SYNE1: variants seen among roughly 807,000 people sequenced by gnomAD.
SYNE1 encodes nesprin-1.
Under a neutral mutation model 1,111.0 loss-of-function variants are expected in SYNE1, and 616 were observed. The observed-to-expected ratio is 0.55, with a 90% CI of 0.52 to 0.59. The LOEUF is 0.59. Among genes scored for constraint, SYNE1 ranks in the 20% least tolerant of loss-of-function variants. The probability of loss-of-function intolerance (pLI) is 0.00; values close to 1 mark genes in which losing one functional copy is unlikely to be tolerated. For synonymous variants in SYNE1, 3,855 were observed against 3,825.8 expected, an observed-to-expected ratio of 1.01 and a Z score of -0.28; for missense variants, 10,006 against 10,417.0, an observed-to-expected ratio of 0.96 and a Z score of 1.72.
At chr6:152,256,415 G>A (rs1318252079) in intron 102 of SYNE1, among the ~76,000 whole-genome samples, 1 of 150,586 alleles carries the variant, frequency 6.6e-6, no homozygotes, top group Non-Finnish European at 1.5e-5. Flanking sequence ...GGGTGACAGA[G>A]TGAGACTCGG....
At position 152,266,330 on chromosome 6, in the gene SYNE1, G is replaced by A. The variant is rs1307503189; in HGVS notation, c.18815+1726C>T. Among the ~76,000 whole-genome samples, 3 of 152,164 alleles carry A rather than the reference G, an allele frequency of 2.0e-5. No homozygotes were observed. In the East Asian group the frequency reaches 5.8e-4, roughly 29 times the overall value. ...CTCCTTTAGTGATGATACATACAGAGAGGAAGCAATGCTGGATGGGTTCTT... is the reference window on the plus strand; with the variant it reads ...CTCCTTTAGTGATGATACATACAGAAAGGAAGCAATGCTGGATGGGTTCTT... On this transcript the variant is annotated intron_variant, in intron 100 of 145. Transcript: ENST00000367255.
intron 66 of SYNE1, among the ~76,000 whole-genome samples, chr6:152,357,344 T>A (rs1419608184): frequency 6.6e-6 from 1 of 152,188 alleles, no homozygotes; most frequent in African/African-American, 2.4e-5. Context: ...CCAGAAATTT[T>A]ATATGTGACT....
intron 142 of SYNE1, chr6:152,133,690 A>G (rs2056386783): frequency 1.6e-6 from 1 of 606,458 alleles, no homozygotes; most frequent in African/African-American, 1.8e-5. Context: ...AAGACCCCTG[A>G]CCGTCTCTGA....
intron 6 of SYNE1, among the ~76,000 whole-genome samples, chr6:152,516,683 A>G (rs551833216): frequency 1.3e-5 from 2 of 152,150 alleles, no homozygotes; most frequent in South Asian, 2.1e-4. Flanking sequence ...GGCTCAAGAG[A>G]TCCTCCCACC....
intron 51 of SYNE1, 49 bp from the exon 52 acceptor site, chr6:152,391,617 C>G (rs214944): frequency 3.3e-6 from 5 of 1,505,792 alleles, no homozygotes; most frequent in Non-Finnish European, 3.5e-6. Context: ...ATTCTGACAT[C>G]CTGGAGTGCA....
chr6:152,363,751 A>C (rs1321046835), intron 63 of SYNE1: 1 of 455,262 alleles, frequency 2.2e-6, no homozygotes, highest in Admixed American at 2.3e-5. Context: ...TTTGAGGGCA[A>C]TATAGGCACA....
intron 98 of SYNE1, among the ~76,000 whole-genome samples, chr6:152,275,098 G>A (rs531083104): frequency 6.6e-6 from 1 of 152,118 alleles, no homozygotes; most frequent in East Asian, 1.9e-4. Flanking sequence ...GTAGAGATGG[G>A]GTTTTGCTAT....
At chr6:152,539,864 G>A in intron 4 of SYNE1, 96 bp downstream of exon 4, 1 of 1,313,146 alleles carries the variant, frequency 7.6e-7, no homozygotes, top group Non-Finnish European at 1.1e-6. Flanking sequence ...ATTCGCAACA[G>A]TGACAACAGG....
In SYNE1 at chr6:152,597,996, G is replaced by T. The variant is rs528948660; in HGVS notation, c.67+30269C>A. Among the ~76,000 whole-genome samples the T allele has an allele frequency of 7.9e-5, 12 of 152,182 alleles. No individual in the cohort carries two copies. In the South Asian group the frequency reaches 1.9e-3, roughly 24 times the overall value. Reference sequence around the variant, plus strand: ...CTGCATTGATGAAGTGGTAACGAAGGCACCATCCCTTATTACATTTAAACG... The same window carrying T: ...CTGCATTGATGAAGTGGTAACGAAGTCACCATCCCTTATTACATTTAAACG... On this transcript the variant is annotated intron_variant, in intron 3 of 145. Coordinates refer to ENST00000367255, the MANE Select transcript of SYNE1 (RefSeq NM_182961.4).
intron 16 of SYNE1, among the ~76,000 whole-genome samples, chr6:152,470,239 G>T (rs1311548350): frequency 2.6e-5 from 4 of 152,108 alleles, no homozygotes; most frequent in Non-Finnish European, 5.9e-5. Context: ...TAATATCATT[G>T]TGTTGGAACA....
intron 58 of SYNE1, among the ~76,000 whole-genome samples, chr6:152,374,555 G>A (rs1261867855): frequency 6.6e-6 from 1 of 152,106 alleles, no homozygotes; most frequent in African/African-American, 2.4e-5. Flanking sequence ...GGGCACATCA[G>A]TTGAGCCCAG....
intron 108 of SYNE1, among the ~76,000 whole-genome samples, chr6:152,238,373 G>A (rs2153544684): frequency 6.6e-6 from 1 of 152,246 alleles, no homozygotes; most frequent in Admixed American, 6.5e-5. Flanking sequence ...CTATCTCAAA[G>A]GGTTATGATA....
chr6:152,565,687 G>A (rs1286687533), intron 3 of SYNE1, among the ~76,000 whole-genome samples: 9 of 150,726 alleles, frequency 6.0e-5, no homozygotes, highest in Admixed American at 1.3e-4. Context: ...AAAAAAAGGA[G>A]GCTCTAAGGA....
intron 126 of SYNE1, 41 bp downstream of exon 126, chr6:152,206,127 T>C (rs1478078240): frequency 1.9e-6 from 3 of 1,595,766 alleles, no homozygotes; most frequent in African/African-American, 1.3e-5. Context: ...GTACAACGAC[T>C]AAAAGGGTTT....
rs74885760 is a variant in SYNE1, at chr6:152,210,025, T to C, written c.22589+1469A>G. On this transcript the variant is annotated intron_variant, in intron 124 of 145. Coordinates refer to ENST00000367255, the MANE Select transcript of SYNE1 (RefSeq NM_182961.4). Reference sequence around the variant, plus strand: ...ACCCTCTCTTGATACAACCAAGCTGTCCCAAACTACCTGCCAGCATGAGGA... The same window carrying C: ...ACCCTCTCTTGATACAACCAAGCTGCCCCAAACTACCTGCCAGCATGAGGA... 7.7e-3 allele frequency among the ~76,000 whole-genome samples: 1,173 copies of C among 152,276 alleles called. 6 individuals are homozygous for C. The highest frequency in any genetic ancestry group is 0.013 in the East Asian group (67 of 5,182).
At chr6:152,162,983 G>T (rs1221502721) in intron 131 of SYNE1, among the ~76,000 whole-genome samples, 1 of 152,084 alleles carries the variant, frequency 6.6e-6, no homozygotes, top group Non-Finnish European at 1.5e-5. Flanking sequence ...TCTGTAAAAT[G>T]AAGTAAGTAC....
chr6:152,374,120 T>C (rs1262292658), intron 58 of SYNE1, among the ~76,000 whole-genome samples: 1 of 152,212 alleles, frequency 6.6e-6, no homozygotes, highest in Admixed American at 6.5e-5. Context: ...GAGTGTTTCA[T>C]AGGGTTGTCC....
At chr6:152,292,695 C>T (rs552470264) in intron 95 of SYNE1, among the ~76,000 whole-genome samples, 2 of 152,262 alleles carry the variant, frequency 1.3e-5, no homozygotes, top group Non-Finnish European at 2.9e-5. Context: ...TGTTAAGTTA[C>T]CCTGTGTTGA....
intron 95 of SYNE1, among the ~76,000 whole-genome samples, chr6:152,292,532 T>G (rs972601561): frequency 6.6e-6 from 1 of 152,238 alleles, no homozygotes; most frequent in African/African-American, 2.4e-5. Context: ...GTTCTCATTT[T>G]TATGTTATAC....
Sources: gnomAD v4.1 joint callset for allele counts (sites outside exome capture counted in the v4.1 genomes callset) on GRCh38, gnomAD v4.1.1 for gene constraint, MANE v1.5 for transcripts, NCBI Gene and HGNC (gene_info 2026-07-23, HGNC 2026-07-21) for gene names.